The following KLHL20 variants were observed in gnomAD, a reference collection of about 807,000 sequenced individuals.
KLHL20 encodes the protein kelch-like protein 20.
KLHL20 carries 29 observed loss-of-function variants against 69.5 expected under a neutral mutation model. That is an observed-to-expected ratio of 0.42 (90% CI 0.31 to 0.57). The LOEUF (loss-of-function observed/expected upper bound fraction) is 0.57. KLHL20 is among the 20% of genes least tolerant of loss of function. KLHL20 has a pLI of 0.18. For synonymous variants in KLHL20, 253 were observed against 265.2 expected (o/e 0.95, Z 0.45); for missense variants, 419 against 776.0 (o/e 0.54, Z 5.47).
chr1:173,766,320 T>A, intron 8 of KLHL20, 31 bp downstream of exon 8: 1 of 1,559,144 alleles, frequency 6.4e-7, no homozygotes, highest in Non-Finnish European at 8.6e-7. Flanking sequence ...TTTTCCGTAT[T>A]TTTATTTTAA....
At chr1:173,715,933 T>G (rs1438549391) in intron 1 of KLHL20, 70 bp from the exon 2 acceptor site, 2 of 1,096,208 alleles carry the variant, frequency 1.8e-6, no homozygotes, top group Non-Finnish European at 2.7e-6. Context: ...AGTGAAATGA[T>G]TATATAAAGA....
At chr1:173,773,261 C>T (rs1416248697) in intron 8 of KLHL20, among the ~76,000 whole-genome samples, 2 of 151,118 alleles carry the variant, frequency 1.3e-5, no homozygotes, top group African/African-American at 4.8e-5. Flanking sequence ...CATGAGCCAC[C>T]ACACACAGCC....
chr1:173,773,709 T>C (rs541900482), intron 8 of KLHL20, among the ~76,000 whole-genome samples: 173 of 151,998 alleles, frequency 1.1e-3, no homozygotes, highest in Middle Eastern at 0.01. Flanking sequence ...TAAAATTCCA[T>C]TGAAGAAAGA....
intron 5 of KLHL20, among the ~76,000 whole-genome samples, chr1:173,753,630 ATAAT>A (rs1435208565): frequency 6.6e-6 from 1 of 151,950 alleles, no homozygotes; most frequent in Non-Finnish European, 1.5e-5. Flanking sequence ...TTTCCTTGAG[ATAAT>A]TAAATAATGC....
At chr1:173,745,895 G>A (rs1285707651) in intron 3 of KLHL20, among the ~76,000 whole-genome samples, 2 of 152,120 alleles carry the variant, frequency 1.3e-5, no homozygotes, top group South Asian at 2.1e-4. Context: ...CCCAGGAGGC[G>A]GAGGTTGCAG....
chr1:173,746,394 A>C (rs188944935), intron 3 of KLHL20, among the ~76,000 whole-genome samples: 13 of 152,210 alleles, frequency 8.5e-5, no homozygotes, highest in African/African-American at 3.1e-4. Context: ...GAAATCATCT[A>C]GGCTTCGTGC....
At chr1:173,772,220 C>T (rs989832107) in intron 8 of KLHL20, among the ~76,000 whole-genome samples, 85 of 152,256 alleles carry the variant, frequency 5.6e-4, no homozygotes, top group African/African-American at 2.0e-3. Context: ...ATGTCTGATT[C>T]CAGGTTTAGA....
chr1:173,727,089 A>G (rs1672007727), intron 2 of KLHL20, among the ~76,000 whole-genome samples: 1 of 152,216 alleles, frequency 6.6e-6, no homozygotes, highest in African/African-American at 2.4e-5. Context: ...CACGAGAACT[A>G]CGTGACAAAT....
intron 7 of KLHL20, among the ~76,000 whole-genome samples, chr1:173,758,465 T>C (rs1673653973): frequency 6.6e-6 from 1 of 151,712 alleles, no homozygotes; most frequent in African/African-American, 2.4e-5. Context: ...CAAGAAAAAA[T>C]CAGCAATCTC....
chr1:173,725,899 G>A (rs1046489335), intron 2 of KLHL20, among the ~76,000 whole-genome samples: 3 of 152,212 alleles, frequency 2.0e-5, no homozygotes, highest in African/African-American at 7.2e-5. Flanking sequence ...GACAGTAGGT[G>A]CAGGACAGTG....
At chr1:173,783,529 G>A (rs1044342614) in intron 11 of KLHL20, among the ~76,000 whole-genome samples, 3 of 152,064 alleles carry the variant, frequency 2.0e-5, no homozygotes, top group African/African-American at 2.4e-5. Context: ...CAGCGTGTAC[G>A]TTTTGCTCCT....
chr1:173,741,278 C>T (rs1672796377), intron 3 of KLHL20, among the ~76,000 whole-genome samples: 2 of 152,222 alleles, frequency 1.3e-5, no homozygotes, highest in South Asian at 2.1e-4. Flanking sequence ...AATCTCCACA[C>T]ACTGTTCTGT....
intron 2 of KLHL20, among the ~76,000 whole-genome samples, chr1:173,727,312 T>C (rs1201164892): frequency 3.3e-5 from 5 of 152,238 alleles, no homozygotes; most frequent in Admixed American, 2.6e-4. Flanking sequence ...TGGAACCAAG[T>C]TGGAAAACAC....
At chr1:173,742,631 A>G (rs543096836) in intron 3 of KLHL20, among the ~76,000 whole-genome samples, 45 of 151,372 alleles carry the variant, frequency 3.0e-4, no homozygotes, top group African/African-American at 9.2e-4. Context: ...ATATATACAC[A>G]TACGTGTATA....
intron 10 of KLHL20, among the ~76,000 whole-genome samples, chr1:173,778,938 T>C (rs959253948): frequency 2.0e-5 from 3 of 152,182 alleles, no homozygotes; most frequent in African/African-American, 7.2e-5. Flanking sequence ...TGTGTTTTTT[T>C]CACTTAAATT....
intron 3 of KLHL20, among the ~76,000 whole-genome samples, chr1:173,747,935 GA>G (rs1236096467): frequency 1.4e-5 from 2 of 146,976 alleles, no homozygotes; most frequent in Non-Finnish European, 1.5e-5. Context: ...TACTGATCAA[GA>G]AAAAAAAGGA....
intron 5 of KLHL20, among the ~76,000 whole-genome samples, chr1:173,753,692 G>T (rs1176467039): frequency 6.6e-6 from 1 of 151,976 alleles, no homozygotes; most frequent in Non-Finnish European, 1.5e-5. Flanking sequence ...CATATGTCTG[G>T]TTGGGGAATA....
At chr1:173,739,410 A>C (rs1447928278) in intron 3 of KLHL20, among the ~76,000 whole-genome samples, 1 of 151,726 alleles carries the variant, frequency 6.6e-6, no homozygotes, top group Non-Finnish European at 1.5e-5. Context: ...TCAGCTGTGA[A>C]TCCATCTGGT....
At chr1:173,748,250 T>C (rs934288460) in intron 3 of KLHL20, among the ~76,000 whole-genome samples, 4 of 152,136 alleles carry the variant, frequency 2.6e-5, no homozygotes, top group African/African-American at 9.6e-5. Flanking sequence ...ACTAATCCTA[T>C]GCAAAGTCTT....
Sources: gnomAD v4.1 joint callset for allele counts (sites outside exome capture counted in the v4.1 genomes callset) on GRCh38, gnomAD v4.1.1 for gene constraint, MANE v1.5 for transcripts, NCBI Gene and HGNC (gene_info 2026-07-23, HGNC 2026-07-21) for gene names.